The following ERI2 variants were observed in gnomAD, a reference collection of about 807,000 sequenced individuals.
The protein encoded by ERI2 is ERI1 exoribonuclease 2.
ERI2 carries 35 observed loss-of-function variants against 46.8 expected under a neutral mutation model. The ratio of observed to expected loss-of-function variants is 0.75; its 90% confidence interval spans 0.57 to 0.99. ERI2 has a LOEUF of 0.99. Among genes scored for constraint, ERI2 ranks in the 50% least tolerant of loss-of-function variants. The probability of loss-of-function intolerance (pLI) is 0.00; values close to 1 mark genes in which losing one functional copy is unlikely to be tolerated. For synonymous variants in ERI2, 224 were observed against 271.0 expected (o/e 0.83, Z 1.70); for missense variants, 695 against 796.2 (o/e 0.87, Z 1.53).
chr16:20,798,393 C>T lies in ERI2; in HGVS notation c.1407G>A (p.Glu469=), dbSNP rs1323502566. ...TCTTGTACACAATAGACTTAGAAGT[C>T]TCAGATTTTTGAGGAGTTTCCTCTA... ...GDIEETPQKS[E]TSKSIVYKSP... The change falls in exon 9 of 9, where the codon GAG becomes GAA. Residue 469 remains glutamate, a synonymous_variant. Coordinates refer to ENST00000357967, the MANE Select transcript of ERI2 (RefSeq NM_001142725.2). The T allele has an allele frequency of 4.5e-5, 69 of 1,550,370 alleles. No individual in the cohort carries two copies. The highest frequency in any genetic ancestry group is 5.8e-5 in the Non-Finnish European group (66 of 1,146,722).
intron 2 of ERI2, 30 bp downstream of exon 2, chr16:20,803,573 A>G: frequency 6.2e-7 from 1 of 1,614,146 alleles, no homozygotes; most frequent in Non-Finnish European, 8.5e-7. Flanking sequence ...CAAGGCTACA[A>G]AATGCAAAGA....
At chr16:20,781,142 CA>C in intron 10 of ERI2, 2 of 1,613,264 alleles carry the variant, frequency 1.2e-6, no homozygotes, top group African/African-American at 2.7e-5. Context: ...TAAGCCAAAG[CA>C]CAAAGAGGTC....
chr16:20,799,719 G>T, intron 7 of ERI2: 1 of 481,482 alleles, frequency 2.1e-6, no homozygotes, highest in Non-Finnish European at 3.7e-6. Context: ...CATTTGATTT[G>T]GCTCATTCTT....
At chr16:20,781,681 C>A in intron 10 of ERI2, 6 of 1,559,780 alleles carry the variant, frequency 3.8e-6, no homozygotes, top group Non-Finnish European at 4.4e-6. Context: ...GTAGTAAGAC[C>A]AAGAGTTTGC....
Position 20,796,831 on chromosome 16 carries a change from C to T in ERI2, c.*893G>A. 1 of 1,604,318 alleles carries T rather than the reference C, an allele frequency of 6.2e-7. No homozygotes were observed. The highest frequency in any genetic ancestry group is 8.5e-7 in the Non-Finnish European group (1 of 1,177,320). ...CATAATCAAACTGCTATATAATTGG[C>T]TTTATGTAAAGATAAAAATTTCCAG... On this transcript the variant is annotated 3_prime_UTR_variant, in exon 9 of 9. Transcript: ENST00000357967.
intron 10 of ERI2, among the ~76,000 whole-genome samples, chr16:20,787,586 A>C (rs1186484131): frequency 6.6e-6 from 1 of 152,204 alleles, no homozygotes; most frequent in Middle Eastern, 3.2e-3. Flanking sequence ...GCACCCCCCA[A>C]GTAGTTTTTA....
At chr16:20,780,740 T>A in intron 10 of ERI2, 1 of 1,614,172 alleles carries the variant, frequency 6.2e-7, no homozygotes, top group Non-Finnish European at 8.5e-7. Flanking sequence ...CACACCTGTG[T>A]GAAGACAAAA....
At chr16:20,792,369 T>G, downstream of ERI2, 1 of 1,610,746 alleles carries the variant, frequency 6.2e-7, no homozygotes, top group Non-Finnish European at 8.5e-7. Flanking sequence ...CTTTATAATT[T>G]GTTGGCAATT....
chr16:20,786,113 T>G (rs752632741), intron 10 of ERI2: 2 of 1,603,260 alleles, frequency 1.2e-6, no homozygotes, highest in South Asian at 1.1e-5. Flanking sequence ...GAATGAAAAT[T>G]AAACCTGGCT....
chr16:20,805,833 C>T, intron 1 of ERI2: 1 of 419,750 alleles, frequency 2.4e-6, no homozygotes, highest in Non-Finnish European at 3.2e-6. Flanking sequence ...AGGTCCCGTT[C>T]CAGCCAAAGG....
intron 1 of ERI2, among the ~76,000 whole-genome samples, chr16:20,804,965 A>C (rs2080840030): frequency 6.6e-6 from 1 of 152,198 alleles, no homozygotes; most frequent in Non-Finnish European, 1.5e-5. Flanking sequence ...TGGATGAGAA[A>C]ACTGATTCTT....
chr16:20,793,365 A>G (rs1022884855), downstream of ERI2, among the ~76,000 whole-genome samples: 2 of 152,168 alleles, frequency 1.3e-5, no homozygotes, highest in Non-Finnish European at 2.9e-5. Flanking sequence ...GCTACTTGGG[A>G]ATCTGAGGCA....
rs145282601 is a variant in ERI2 at position 20,780,774 on chromosome 16, C to G, written c.895-40G>C. On this transcript the variant is annotated intron_variant, in intron 10 of 10. Coordinates refer to the ERI2 transcript ENST00000300005. ...AACACAATGAGATCATGGCCATATT[C>G]TTTACCAGTGGAACAAGTGGATATC... 29 of 1,614,094 alleles carry G rather than the reference C, an allele frequency of 1.8e-5. No individual in the cohort carries two copies. The African/African-American group carries it at 3.6e-4, about 20-fold the overall frequency.
chr16:20,793,825 G>T (rs554747738), downstream of ERI2, among the ~76,000 whole-genome samples: 4 of 152,324 alleles, frequency 2.6e-5, no homozygotes, highest in East Asian at 7.7e-4. Context: ...CCTACCATTA[G>T]TCATCATCAG....
chr16:20,781,741 T>G (rs1296278232), intron 10 of ERI2: 1 of 1,613,570 alleles, frequency 6.2e-7, no homozygotes, highest in South Asian at 1.1e-5. Flanking sequence ...AGTCTTCTGT[T>G]CAGCACCAAC....
At position 20,798,316 on chromosome 16, in the gene ERI2, T is replaced by C. The variant is rs1285827750; in HGVS notation, c.1484A>G (p.Asp495Gly). ...TTCAGGTAACTTAAAGGCAGAAATA[T>C]CTGAACCTGGATCTTTGGCTTCTTT... is the stretch of plus-strand genomic sequence containing the variant. ...NVKEAKDPGS[D>G]ISAFKLPEHK... The change falls in exon 9 of 9, where the codon GAT becomes GGT. Residue 495 changes from aspartate to glycine, a missense_variant. Asp to Gly is a moderately conservative substitution (Grantham distance 94). Coordinates refer to ENST00000357967, the MANE Select transcript of ERI2 (RefSeq NM_001142725.2). 6 of 1,551,572 alleles carry C rather than the reference T, an allele frequency of 3.9e-6. No individual in the cohort carries two copies. Among genetic ancestry groups the C allele is most frequent in the East Asian group, 2.4e-5 (1 of 40,914 alleles).
At position 20,797,200 on chromosome 16, in the gene ERI2, T is replaced by C. The variant is rs1463462344; in HGVS notation, c.*524A>G. 3 of 1,240,590 alleles carry C rather than the reference T, an allele frequency of 2.4e-6. No homozygotes were observed. The highest frequency in any genetic ancestry group is 3.0e-6 in the Non-Finnish European group (3 of 991,132). The allele number at this position is 1,240,590 out of a possible 1,614,324, so 76.8% of individuals were successfully genotyped here. ...CTATCATTTCTTAATATAAAAATAA[T>C]ACCATCAATTGCTGATTAATTTTTA... On this transcript the variant is annotated 3_prime_UTR_variant, in exon 9 of 9. Transcript: ENST00000357967.
At position 20,781,086 on chromosome 16, in the gene ERI2, T is replaced by G. The variant is rs1331378620; in HGVS notation, c.895-352A>C. On this transcript the variant is annotated intron_variant, in intron 10 of 10. Coordinates refer to the ERI2 transcript ENST00000300005. ...TCCGTGGATCCAGGGAGCATGTGTA[T>G]TCACACACCATTTACCCCGTTTTGA... The G allele has an allele frequency of 2.5e-6, 4 of 1,614,056 alleles. No individual in the cohort carries two copies. In the African/African-American group the frequency reaches 4.0e-5, roughly 16 times the overall value.
chr16:20,802,574 ATT>A (rs564591571), intron 4 of ERI2, among the ~76,000 whole-genome samples: 61 of 132,430 alleles, frequency 4.6e-4, no homozygotes, highest in Admixed American at 4.6e-4. Flanking sequence ...GCTAATTTAA[ATT>A]TTTTTTTTTT....
Sources: gnomAD v4.1 joint callset for allele counts (sites outside exome capture counted in the v4.1 genomes callset) on GRCh38, gnomAD v4.1.1 for gene constraint, MANE v1.5 for transcripts, NCBI Gene and HGNC (gene_info 2026-07-23, HGNC 2026-07-21) for gene names.